Variants in TFEC observed in about 807,000 individuals in gnomAD.
TFEC encodes the protein class E basic helix-loop-helix protein 34.
TFEC carries 31 observed loss-of-function variants against 41.6 expected under a neutral mutation model. That is an observed-to-expected ratio of 0.74 (90% confidence interval 0.56 to 1.01). The LOEUF (loss-of-function observed/expected upper bound fraction) is 1.01, where lower values mean the gene tolerates loss of function less well. Among genes scored for constraint, TFEC ranks in the 50% least tolerant of loss-of-function variants. TFEC has a pLI of 0.00. For missense variants in TFEC, 402 were observed against 404.1 expected (o/e 0.99, Z 0.04); for synonymous variants, 143 against 140.6 (o/e 1.02, Z -0.12).
intron 1 of TFEC, among the ~76,000 whole-genome samples, chr7:115,993,245 A>G (rs925633178): frequency 2.0e-5 from 3 of 152,210 alleles, no homozygotes; most frequent in Admixed American, 6.5e-5. Flanking sequence ...CCCACAGCCA[A>G]TATCATACTG....
intron 1 of TFEC, among the ~76,000 whole-genome samples, chr7:116,026,951 T>C (rs1216903047): frequency 1.3e-5 from 2 of 152,194 alleles, no homozygotes; most frequent in African/African-American, 4.8e-5. Context: ...AGATGCCTCT[T>C]AGCCAAATGT....
chr7:115,948,011 G>A (rs1175459003), intron 6 of TFEC, among the ~76,000 whole-genome samples: 2 of 151,978 alleles, frequency 1.3e-5, no homozygotes, highest in Non-Finnish European at 2.9e-5. Context: ...AATGATAAAG[G>A]GGATAACACC....
At chr7:116,018,182 G>A (rs1004000800) in intron 1 of TFEC, among the ~76,000 whole-genome samples, 12 of 152,048 alleles carry the variant, frequency 7.9e-5, no homozygotes, top group Non-Finnish European at 2.9e-5. Flanking sequence ...TTACTATCCT[G>A]GTTCAGTGAT....
chr7:116,057,570 G>C lies in TFEC; in HGVS notation c.198+53138C>G, dbSNP rs576925143. 9.0e-4 allele frequency among the ~76,000 whole-genome samples: 137 copies of C among 151,850 alleles called. 1 individual carries two copies. The highest frequency in any genetic ancestry group is 1.7e-3 in the Non-Finnish European group (117 of 67,772). On this transcript the variant is annotated intron_variant, in intron 3 of 8. Coordinates refer to the TFEC transcript ENST00000484212. ...ATGAATCTATAAAAAGAAATGAAAA[G>C]ACTGGAAAGAGTAATTTATGGGTAA...
intron 3 of TFEC, among the ~76,000 whole-genome samples, chr7:116,067,891 T>C (rs1292032172): frequency 6.6e-6 from 1 of 151,878 alleles, no homozygotes; most frequent in Non-Finnish European, 1.5e-5. Flanking sequence ...GGAGCTCTCA[T>C]CTCATTTCTA....
At chr7:116,147,069 A>G (rs1798656369) in intron 1 of TFEC, among the ~76,000 whole-genome samples, 1 of 151,988 alleles carries the variant, frequency 6.6e-6, no homozygotes, top group Non-Finnish European at 1.5e-5. Flanking sequence ...AACACAGAGA[A>G]TCAAAAGAGT....
chr7:115,980,486 A>C (rs1016235322), intron 2 of TFEC, among the ~76,000 whole-genome samples: 1 of 152,218 alleles, frequency 6.6e-6, no homozygotes, highest in African/African-American at 2.4e-5. Context: ...ATGGTGGCTC[A>C]TCCCTGCAAT....
intron 2 of TFEC, among the ~76,000 whole-genome samples, chr7:115,976,874 G>C (rs763246593): frequency 5.7e-4 from 87 of 152,150 alleles, no homozygotes; most frequent in Non-Finnish European, 1.1e-3. Context: ...TAAATGACAC[G>C]GTCTGTTTAA....
At chr7:116,148,626 G>GA (rs1230719753) in intron 1 of TFEC, among the ~76,000 whole-genome samples, 1 of 152,024 alleles carries the variant, frequency 6.6e-6, no homozygotes, top group Non-Finnish European at 1.5e-5. Context: ...CAAAATACTG[G>GA]AAAAAAAGAA....
At chr7:115,991,557 A>T (rs1012271917) in intron 1 of TFEC, among the ~76,000 whole-genome samples, 5 of 152,212 alleles carry the variant, frequency 3.3e-5, no homozygotes, top group Admixed American at 3.3e-4. Context: ...GAAAACAAAA[A>T]AAAGGAGGGG....
At chr7:115,994,592 A>G (rs1794277536) in intron 1 of TFEC, among the ~76,000 whole-genome samples, 1 of 152,148 alleles carries the variant, frequency 6.6e-6, no homozygotes, top group South Asian at 2.1e-4. Flanking sequence ...TGCAGCCAAC[A>G]GCAGACTCAT....
At chr7:115,949,578 T>C (rs1468487992) in intron 6 of TFEC, among the ~76,000 whole-genome samples, 1 of 152,014 alleles carries the variant, frequency 6.6e-6, no homozygotes, top group African/African-American at 2.4e-5. Flanking sequence ...TTGACAAACC[T>C]GAGAAAAACA....
Position 115,935,919 on chromosome 7 carries a change from C to T in TFEC, c.*4632G>A, listed in dbSNP as rs1430000687. The T allele has an allele frequency of 1.3e-5, 2 of 151,366 alleles. No individual in the cohort carries two copies. Among genetic ancestry groups the T allele is most frequent in the East Asian group, 1.9e-4 (1 of 5,170 alleles). 9.4% of individuals were successfully genotyped at this position (151,366 alleles called of 1,614,324 possible). A position where few individuals can be genotyped will look rare whatever the true frequency, so the allele number is the denominator to read the frequency against. On this transcript the variant is annotated 3_prime_UTR_variant, in exon 8 of 8. Coordinates refer to ENST00000265440, the MANE Select transcript of TFEC (RefSeq NM_012252.4). ...CCTTTACAAGCAGATAAAAAGTTCCCTTTTATGTATAAAGCAGTAGACAAT... is the reference window on the plus strand; with the variant it reads ...CCTTTACAAGCAGATAAAAAGTTCCTTTTTATGTATAAAGCAGTAGACAAT...
At chr7:116,141,746 G>C (rs1416713597) in intron 1 of TFEC, among the ~76,000 whole-genome samples, 5 of 152,150 alleles carry the variant, frequency 3.3e-5, no homozygotes, top group African/African-American at 1.2e-4. Context: ...AGTTGGGTTT[G>C]TTTTACATGA....
At chr7:116,065,486 T>C (rs1047189553) in intron 3 of TFEC, among the ~76,000 whole-genome samples, 1 of 152,150 alleles carries the variant, frequency 6.6e-6, no homozygotes, top group Non-Finnish European at 1.5e-5. Context: ...TCATGCATTA[T>C]GGGAGTGAGT....
intron 3 of TFEC, among the ~76,000 whole-genome samples, chr7:116,092,339 A>G (rs868208084): frequency 9.2e-5 from 14 of 152,312 alleles, no homozygotes; most frequent in Middle Eastern, 3.4e-3. Context: ...ACAAAGCCTG[A>G]AGACTCCATT....
intron 3 of TFEC, among the ~76,000 whole-genome samples, chr7:116,077,524 A>C (rs528669212): frequency 1.3e-5 from 2 of 152,252 alleles, no homozygotes; most frequent in East Asian, 3.9e-4. Context: ...TGCTTTCTTC[A>C]GGAGACACAC....
intron 3 of TFEC, among the ~76,000 whole-genome samples, chr7:116,065,334 T>C (rs1796669671): frequency 6.6e-6 from 1 of 152,128 alleles, no homozygotes; most frequent in Non-Finnish European, 1.5e-5. Context: ...TAGGAGAACA[T>C]TGAGCAGTAA....
intron 3 of TFEC, among the ~76,000 whole-genome samples, chr7:116,085,903 C>T (rs1797193266): frequency 6.6e-6 from 1 of 151,906 alleles, no homozygotes. Context: ...TAAATGTATC[C>T]TTTTAACCTC....
Sources: allele counts gnomAD v4.1 joint callset (sites outside exome capture counted in the v4.1 genomes callset), GRCh38; gene constraint gnomAD v4.1.1; transcripts MANE v1.5; gene names NCBI Gene and HGNC (gene_info 2026-07-23, HGNC 2026-07-21).